The following SERGEF variants were observed in gnomAD, a reference collection of about 807,000 sequenced individuals.
SERGEF encodes the protein secretion-regulating guanine nucleotide exchange factor.
Under a neutral mutation model 50.0 loss-of-function variants are expected in SERGEF, and 51 were observed. The observed-to-expected ratio is 1.02, with a 90% confidence interval of 0.81 to 1.29. The LOEUF (loss-of-function observed/expected upper bound fraction) is 1.29. Ranked by LOEUF, SERGEF falls within the 50% of genes most tolerant of loss-of-function variation. SERGEF has a pLI of 0.00. For missense variants in SERGEF, 521 were observed against 557.0 expected, an observed-to-expected ratio of 0.94 and a Z score of 0.65; for synonymous variants, 205 against 212.4, an observed-to-expected ratio of 0.97 and a Z score of 0.30.
chr11:18,003,069 A>C (rs2299625), intron 4 of SERGEF, among the ~76,000 whole-genome samples: 48,607 of 152,084 alleles, frequency 0.32, 9,278 homozygotes, highest in East Asian at 0.5. Flanking sequence ...TACAGAGCCT[A>C]GACTTTGTGC....
chr11:17,907,783 G>C (rs536700763), intron 9 of SERGEF, among the ~76,000 whole-genome samples: 4 of 152,326 alleles, frequency 2.6e-5, no homozygotes, highest in African/African-American at 9.6e-5. Flanking sequence ...GATCTCAGAG[G>C]GAAGATGGGG....
At chr11:17,842,034 G>A (rs1437497517) in intron 10 of SERGEF, among the ~76,000 whole-genome samples, 3 of 151,816 alleles carry the variant, frequency 2.0e-5, no homozygotes, top group South Asian at 2.1e-4. Flanking sequence ...CCTTTCTTTC[G>A]TAGCATTTAT....
chr11:17,871,698 C>T (rs1851140459), intron 10 of SERGEF, among the ~76,000 whole-genome samples: 1 of 152,090 alleles, frequency 6.6e-6, no homozygotes, highest in Non-Finnish European at 1.5e-5. Flanking sequence ...AAAAGGTACT[C>T]CACATCATTA....
intron 9 of SERGEF, among the ~76,000 whole-genome samples, chr11:17,930,822 A>T (rs780076949): frequency 2.0e-5 from 3 of 152,122 alleles, no homozygotes; most frequent in Non-Finnish European, 4.4e-5. Context: ...TTAGACTAGG[A>T]TAGTGTCTAA....
At chr11:17,824,981 T>C (rs1278778330) in intron 10 of SERGEF, among the ~76,000 whole-genome samples, 1 of 152,224 alleles carries the variant, frequency 6.6e-6, no homozygotes, top group African/African-American at 2.4e-5. Context: ...TTCTTAATGA[T>C]AGACCTCCAA....
intron 10 of SERGEF, among the ~76,000 whole-genome samples, chr11:17,873,661 TGGAGGAGGAGGAGGAGGA>T (rs145195114): frequency 1.4e-5 from 2 of 148,146 alleles, no homozygotes; most frequent in African/African-American, 5.0e-5. Context: ...TGGCTCTGCT[TGGAGGAGGAGGAGGAGGA>T]GGAGGAGGAG....
chr11:17,995,151 G>A (rs1208714272), intron 6 of SERGEF, among the ~76,000 whole-genome samples: 1 of 152,148 alleles, frequency 6.6e-6, no homozygotes, highest in African/African-American at 2.4e-5. Flanking sequence ...GAAAAGGAAG[G>A]AGAAAATACA....
At chr11:18,008,305 A>C (rs1466094817) in intron 1 of SERGEF, among the ~76,000 whole-genome samples, 1 of 152,222 alleles carries the variant, frequency 6.6e-6, no homozygotes, top group Non-Finnish European at 1.5e-5. Flanking sequence ...AACAGGTAAC[A>C]CTGTCTCCCC....
chr11:17,958,301 A>AT (rs200003322), intron 9 of SERGEF, among the ~76,000 whole-genome samples: 1,944 of 152,102 alleles, frequency 0.013, 15 homozygotes, highest in Non-Finnish European at 0.021. Flanking sequence ...TAGCTTATTA[A>AT]TTTTTTTTGA....
rs998176047 is a variant in SERGEF, at chr11:17,788,290, C to T, written c.1172G>A (p.Cys391Tyr). Residue 391 changes from cysteine to tyrosine, a missense_variant, in exon 11 of 11, where the codon TGT becomes TAT. Coordinates refer to ENST00000265965, the MANE Select transcript of SERGEF (RefSeq NM_012139.4). ...GAGGGCCAAGGAGTGGCCAGCCCCA[C>T]AGCCCACAAGGAGTCCTGACGATGA... ...LLSSSGLLVG[C>Y]GAGHSLALCQ... 1 of 1,614,228 alleles carries T rather than the reference C, an allele frequency of 6.2e-7. No homozygotes were observed. Among genetic ancestry groups the T allele is most frequent in the Non-Finnish European group, 8.5e-7 (1 of 1,180,036 alleles).
At chr11:17,992,813 A>G in intron 7 of SERGEF, 118 bp downstream of exon 7, 1 of 862,252 alleles carries the variant, frequency 1.2e-6, no homozygotes, top group Non-Finnish European at 1.9e-6. Context: ...CAGTGGTAGC[A>G]TCAGAATTCT....
chr11:17,978,589 C>T (rs564968740), intron 8 of SERGEF, among the ~76,000 whole-genome samples: 1 of 152,352 alleles, frequency 6.6e-6, no homozygotes, highest in East Asian at 1.9e-4. Context: ...GCCAGGTCCT[C>T]TCCCACAGCT....
chr11:17,815,912 C>T (rs1021845500), intron 10 of SERGEF, among the ~76,000 whole-genome samples: 2 of 152,268 alleles, frequency 1.3e-5, no homozygotes, highest in Non-Finnish European at 2.9e-5. Flanking sequence ...CAGTGAGACT[C>T]CATCTCAAAT....
At chr11:17,947,429 A>G (rs941937140) in intron 9 of SERGEF, among the ~76,000 whole-genome samples, 1 of 152,224 alleles carries the variant, frequency 6.6e-6, no homozygotes, top group African/African-American at 2.4e-5. Flanking sequence ...AGGAATTAAA[A>G]CATCTTTTCT....
In SERGEF at chr11:18,004,531, A is replaced by G; in HGVS notation, c.357T>C (p.Asn119=). 1.2e-6 allele frequency: 2 copies of G among 1,609,302 alleles called. No homozygotes were observed. The highest frequency in any genetic ancestry group is 1.7e-6 in the Non-Finnish European group (2 of 1,176,616). ...TGGATCCACATGATAGAACTTGACC[A>G]TTTTCTGCAAAATACAAATACTTAA... The part of the protein sequence containing the change: ...GWDFTIMLTE[N]GQVLSCGSNS... Residue 119 remains asparagine (N), a synonymous_variant, in exon 4 of 11, where the codon AAT becomes AAC. Coordinates refer to ENST00000265965, the MANE Select transcript of SERGEF (RefSeq NM_012139.4).
At chr11:17,799,540 T>A (rs752758507) in intron 10 of SERGEF, among the ~76,000 whole-genome samples, 22 of 152,332 alleles carry the variant, frequency 1.4e-4, no homozygotes, top group Non-Finnish European at 2.2e-4. Flanking sequence ...ACTGTTGCCA[T>A]TCCTGAAGCC....
intron 9 of SERGEF, among the ~76,000 whole-genome samples, chr11:17,950,780 A>G (rs1852759533): frequency 6.6e-6 from 1 of 152,170 alleles, no homozygotes. Flanking sequence ...CCTCTGCATG[A>G]TTTACTTTCA....
At chr11:17,976,330 G>A (rs1214273852) in intron 8 of SERGEF, among the ~76,000 whole-genome samples, 1 of 152,064 alleles carries the variant, frequency 6.6e-6, no homozygotes, top group African/African-American at 2.4e-5. Flanking sequence ...CTGTCGCCCA[G>A]GCTAGAGTGC....
chr11:17,921,680 G>C (rs111419286), intron 9 of SERGEF, among the ~76,000 whole-genome samples: 21 of 152,310 alleles, frequency 1.4e-4, no homozygotes, highest in African/African-American at 5.1e-4. Context: ...CCCCAGGGGA[G>C]AGCAAGACCT....
Sources: allele counts gnomAD v4.1 joint callset (sites outside exome capture counted in the v4.1 genomes callset), GRCh38; gene constraint gnomAD v4.1.1; transcripts MANE v1.5; gene names NCBI Gene and HGNC (gene_info 2026-07-23, HGNC 2026-07-21).